NELL1: variants seen among roughly 807,000 people sequenced by gnomAD.
NELL1 encodes neural EGFL like 1.
Under a neutral mutation model 107.4 loss-of-function variants are expected in NELL1, and 76 were observed. The observed-to-expected ratio is 0.71, with a 90% CI of 0.59 to 0.86. The LOEUF is 0.86. Among genes scored for constraint, NELL1 ranks in the 40% least tolerant of loss-of-function variants. The pLI is 0.00. For synonymous variants in NELL1, 353 were observed against 341.2 expected, an observed-to-expected ratio of 1.03 and a Z score of -0.38; for missense variants, 1,024 against 1,005.5, an observed-to-expected ratio of 1.02 and a Z score of -0.25.
intron 2 of NELL1, among the ~76,000 whole-genome samples, chr11:20,693,833 G>C (rs1464320159): frequency 6.6e-6 from 1 of 152,100 alleles, no homozygotes; most frequent in Non-Finnish European, 1.5e-5. Flanking sequence ...ATGTTGGCCT[G>C]CCTTGCTAGA....
chr11:21,336,519 AAAG>A (rs1419512424), intron 14 of NELL1, among the ~76,000 whole-genome samples: 2 of 151,964 alleles, frequency 1.3e-5, no homozygotes, highest in Non-Finnish European at 2.9e-5. Flanking sequence ...CCCACAAAAA[AAAG>A]AAGGACCAAA....
At chr11:20,822,823 G>A (rs1590327113) in intron 3 of NELL1, among the ~76,000 whole-genome samples, 1 of 152,206 alleles carries the variant, frequency 6.6e-6, no homozygotes, top group South Asian at 2.1e-4. Context: ...AAGATCATTG[G>A]AAGTCTTATG....
intron 5 of NELL1, among the ~76,000 whole-genome samples, chr11:20,902,634 G>C (rs1590398122): frequency 6.6e-6 from 1 of 151,478 alleles, no homozygotes; most frequent in South Asian, 2.1e-4. Flanking sequence ...AGAAACTCTT[G>C]GTCATATACC....
chr11:21,088,103 GTGTA>G (rs1854439197), intron 12 of NELL1, among the ~76,000 whole-genome samples: 1 of 146,916 alleles, frequency 6.8e-6, no homozygotes, highest in Non-Finnish European at 1.5e-5. Context: ...GTGTGTGTGT[GTGTA>G]TCACTGAATA....
At chr11:21,523,764 T>C (rs1855783883) in intron 15 of NELL1, among the ~76,000 whole-genome samples, 1 of 152,132 alleles carries the variant, frequency 6.6e-6, no homozygotes, top group Non-Finnish European at 1.5e-5. Flanking sequence ...TACCATGGCC[T>C]GGACCTCTCT....
intron 5 of NELL1, among the ~76,000 whole-genome samples, chr11:20,891,153 C>A (rs1040760921): frequency 6.6e-6 from 1 of 152,204 alleles, no homozygotes; most frequent in African/African-American, 2.4e-5. Context: ...ATCAGACTAA[C>A]AGTGGACCTC....
At chr11:20,921,409 T>C (rs751956773) in intron 7 of NELL1, among the ~76,000 whole-genome samples, 167 of 152,226 alleles carry the variant, frequency 1.1e-3, no homozygotes, top group Non-Finnish European at 1.2e-3. Context: ...ATGACTGAGG[T>C]CCAGGAAGGT....
At chr11:20,947,266 A>T in intron 10 of NELL1, 70 bp from the exon 11 acceptor site, 1 of 1,003,206 alleles carries the variant, frequency 1.0e-6, no homozygotes, top group Non-Finnish European at 1.6e-6. Flanking sequence ...ATTAACAAAG[A>T]ACATTATAAG....
chr11:21,303,187 G>A (rs1173587276), intron 14 of NELL1, among the ~76,000 whole-genome samples: 1 of 151,920 alleles, frequency 6.6e-6, no homozygotes, highest in Non-Finnish European at 1.5e-5. Flanking sequence ...AACAGTGTAA[G>A]ACATGGGCCG....
At chr11:20,853,298 A>C (rs1328194729) in intron 4 of NELL1, among the ~76,000 whole-genome samples, 1 of 152,218 alleles carries the variant, frequency 6.6e-6, no homozygotes, top group African/African-American at 2.4e-5. Flanking sequence ...TCATATTTGA[A>C]GCATTTGCGC....
intron 12 of NELL1, among the ~76,000 whole-genome samples, chr11:20,965,863 T>C (rs1414237742): frequency 6.6e-6 from 1 of 152,172 alleles, no homozygotes; most frequent in Non-Finnish European, 1.5e-5. Flanking sequence ...ACATGGAGAC[T>C]AATGTAAATG....
intron 15 of NELL1, among the ~76,000 whole-genome samples, chr11:21,381,904 A>ATTTG (rs1851619279): frequency 4.4e-5 from 4 of 91,358 alleles, no homozygotes; most frequent in African/African-American, 1.8e-4. Flanking sequence ...CCTGGAAGGG[A>ATTTG]TTTTTTTTTT....
At chr11:21,112,118 C>G (rs1020148698) in intron 12 of NELL1, among the ~76,000 whole-genome samples, 3 of 152,044 alleles carry the variant, frequency 2.0e-5, no homozygotes, top group African/African-American at 7.2e-5. Context: ...GGTTGGCCTG[C>G]AGGAAGTTGA....
chr11:21,534,172 G>T (rs1856070401), intron 15 of NELL1, among the ~76,000 whole-genome samples: 1 of 152,286 alleles, frequency 6.6e-6, no homozygotes, highest in East Asian at 1.9e-4. Context: ...TGTTCAATAT[G>T]AGAGAAAACA....
intron 15 of NELL1, among the ~76,000 whole-genome samples, chr11:21,523,002 G>T (rs888678239): frequency 6.6e-6 from 1 of 150,884 alleles, no homozygotes; most frequent in African/African-American, 2.4e-5. Flanking sequence ...CCACCACCAC[G>T]CCCGGCTGAT....
intron 14 of NELL1, among the ~76,000 whole-genome samples, chr11:21,328,146 C>T (rs1180506109): frequency 6.6e-6 from 1 of 152,096 alleles, no homozygotes; most frequent in Non-Finnish European, 1.5e-5. Context: ...TCATGGCAAC[C>T]CCTCCCATCA....
chr11:21,250,899 C>G (rs1376670879), intron 14 of NELL1, among the ~76,000 whole-genome samples: 1 of 152,160 alleles, frequency 6.6e-6, no homozygotes, highest in East Asian at 1.9e-4. Flanking sequence ...CTATTCTTGA[C>G]ACTCTGGTTG....
Position 21,271,825 on chromosome 11 carries a change from G to A in NELL1, c.1549+42371G>A, listed in dbSNP as rs527565741. Among the ~76,000 whole-genome samples the A allele has an allele frequency of 1.8e-4, 27 of 152,238 alleles. No homozygotes were observed. The South Asian group carries it at 5.2e-3, about 29-fold the overall frequency. ...GTAAGGCAAGACTGGTTCAACATTTGAAAATCATTTGAATTGATGTGTTCA... is the reference window on the plus strand; with the variant it reads ...GTAAGGCAAGACTGGTTCAACATTTAAAAATCATTTGAATTGATGTGTTCA... On this transcript the variant is annotated intron_variant, in intron 14 of 19. Coordinates refer to ENST00000357134, the MANE Select transcript of NELL1 (RefSeq NM_006157.5).
intron 15 of NELL1, chr11:21,504,131 C>T (rs943770327): frequency 1.3e-5 from 2 of 152,184 alleles, no homozygotes; most frequent in Non-Finnish European, 2.9e-5. Context: ...AGAGCAGGGA[C>T]CTTGTTTGCT....
Sources: gnomAD v4.1 joint callset for allele counts (sites outside exome capture counted in the v4.1 genomes callset) on GRCh38, gnomAD v4.1.1 for gene constraint, MANE v1.5 for transcripts, NCBI Gene and HGNC (gene_info 2026-07-23, HGNC 2026-07-21) for gene names.